Variants in SLIT3 observed in about 807,000 individuals in gnomAD.
SLIT3 encodes slit homolog 3 protein.
A neutral mutation model predicts 184.0 loss-of-function variants in SLIT3; 68 were observed. That is an observed-to-expected ratio of 0.37 (90% CI 0.30 to 0.45). SLIT3 has a LOEUF of 0.45. Among genes scored for constraint, SLIT3 ranks in the 20% least tolerant of loss-of-function variants. SLIT3 has a pLI of 1.00. For missense variants in SLIT3, 1,707 were observed against 2,026.0 expected (o/e 0.84, Z 3.02); for synonymous variants, 831 against 828.6 (o/e 1.00, Z -0.05).
intron 4 of SLIT3, among the ~76,000 whole-genome samples, chr5:169,088,126 T>G (rs904087182): frequency 6.6e-6 from 1 of 152,146 alleles, no homozygotes; most frequent in Non-Finnish European, 1.5e-5. Flanking sequence ...CCAATTACTC[T>G]CCAGATTCTC....
At chr5:169,075,477 G>C (rs1393578331) in intron 4 of SLIT3, among the ~76,000 whole-genome samples, 1 of 152,192 alleles carries the variant, frequency 6.6e-6, no homozygotes, top group Non-Finnish European at 1.5e-5. Flanking sequence ...AAAATATCGT[G>C]AAGTTGAAGG....
At chr5:168,744,421 A>T (rs1763735170) in intron 20 of SLIT3, among the ~76,000 whole-genome samples, 1 of 152,274 alleles carries the variant, frequency 6.6e-6, no homozygotes, top group South Asian at 2.1e-4. Flanking sequence ...GAAGGTGGCC[A>T]CATTAAACAA....
chr5:168,946,038 A>G (rs915873115), intron 4 of SLIT3, among the ~76,000 whole-genome samples: 3 of 152,186 alleles, frequency 2.0e-5, no homozygotes, highest in Non-Finnish European at 4.4e-5. Flanking sequence ...ATTCTTATTT[A>G]ATTCTTACGA....
At chr5:168,687,882 G>A (rs1761794319) in intron 29 of SLIT3, among the ~76,000 whole-genome samples, 1 of 152,180 alleles carries the variant, frequency 6.6e-6, no homozygotes, top group African/African-American at 2.4e-5. Context: ...CTGGGCAAGA[G>A]GATGGGAACA....
chr5:168,792,131 C>A (rs1756399970), intron 10 of SLIT3: 1 of 152,244 alleles, frequency 6.6e-6, no homozygotes, highest in Non-Finnish European at 1.5e-5. Context: ...CAGCTCAAGG[C>A]CCCCTCTGCT....
At chr5:168,797,963 C>T (rs1024777963) in intron 9 of SLIT3, among the ~76,000 whole-genome samples, 3 of 152,062 alleles carry the variant, frequency 2.0e-5, no homozygotes, top group Non-Finnish European at 2.9e-5. Context: ...GGGATTAGGA[C>T]CCCAGGGCTC....
intron 3 of SLIT3, among the ~76,000 whole-genome samples, chr5:169,197,405 A>G (rs951745153): frequency 1.2e-4 from 18 of 152,164 alleles, no homozygotes; most frequent in African/African-American, 4.3e-4. Context: ...CCTTGAAAAG[A>G]TGATGAAGGC....
At chr5:168,792,725 C>A (rs11955755) in intron 10 of SLIT3, among the ~76,000 whole-genome samples, 1,731 of 152,252 alleles carry the variant, frequency 0.011, 33 homozygotes, top group African/African-American at 0.039. Context: ...AGTCAGTTAA[C>A]CAAATTTGCA....
chr5:169,020,421 G>A (rs966309362), intron 4 of SLIT3, among the ~76,000 whole-genome samples: 1 of 152,146 alleles, frequency 6.6e-6, no homozygotes, highest in Non-Finnish European at 1.5e-5. Context: ...ACTGCTGAAA[G>A]TGGCAGAGTT....
At chr5:169,192,705 C>T (rs76333572) in intron 4 of SLIT3, among the ~76,000 whole-genome samples, 121 of 152,266 alleles carry the variant, frequency 7.9e-4, no homozygotes, top group African/African-American at 1.9e-3. Flanking sequence ...AGGACTGTGT[C>T]GCTTCATTCA....
Position 169,300,368 on chromosome 5 carries a change from G to C in SLIT3, c.197+145C>G, listed in dbSNP as rs1767644200. 9.1e-7 allele frequency: 1 copy of C among 1,104,796 alleles called. No individual in the cohort carries two copies. Among genetic ancestry groups the C allele is most frequent in the African/African-American group, 1.6e-5 (1 of 60,680 alleles). The allele number at this position is 1,104,796 out of a possible 1,614,324, so 68.4% of individuals were successfully genotyped here. On this transcript the variant is annotated intron_variant, in intron 1 of 35. Coordinates refer to ENST00000519560, the MANE Select transcript of SLIT3 (RefSeq NM_003062.4). This position sits in a 1 kb window ranked among gnomAD's most constrained non-coding sequence, Gnocchi z 4.1. ...GACCAAGCCTACAGACCCCCAGCTC[G>C]GAGAGTGAGGGATCGTATCCAGGAA...
intron 28 of SLIT3, 78 bp downstream of exon 28, chr5:168,696,214 T>G: frequency 6.5e-7 from 1 of 1,527,802 alleles, no homozygotes; most frequent in Non-Finnish European, 9.0e-7. Context: ...AGGAAGAGAG[T>G]CCCTGGAGGA....
intron 4 of SLIT3, among the ~76,000 whole-genome samples, chr5:168,953,546 C>T (rs1395699346): frequency 2.6e-5 from 4 of 152,172 alleles, no homozygotes; most frequent in Admixed American, 6.5e-5. Context: ...TCCTCCGTAA[C>T]GTGAAGCTAA....
chr5:168,761,562 G>A (rs1012869181), intron 15 of SLIT3, among the ~76,000 whole-genome samples: 5 of 152,056 alleles, frequency 3.3e-5, no homozygotes, highest in African/African-American at 1.2e-4. Context: ...GTAGGAGGTA[G>A]GCATTAATTA....
At chr5:169,268,016 A>T (rs1029492600) in intron 1 of SLIT3, among the ~76,000 whole-genome samples, 14 of 152,228 alleles carry the variant, frequency 9.2e-5, no homozygotes, top group African/African-American at 3.1e-4. Context: ...GCAGGAATAT[A>T]AACATGGACT....
chr5:168,723,018 AAC>A lies in SLIT3; in HGVS notation c.2340-16_2340-15del. On this transcript the variant is annotated splice_polypyrimidine_tract_variant and intron_variant, in intron 21 of 35. Coordinates refer to ENST00000519560, the MANE Select transcript of SLIT3 (RefSeq NM_003062.4). ...TTGCTCAGGTCACTAGGAAAAGTAA[AAC>A]AGAGGGGTCATGCTTTTGTCTTAGT... The A allele has an allele frequency of 1.2e-6, 2 of 1,607,032 alleles. No individual in the cohort carries two copies. Among genetic ancestry groups the A allele is most frequent in the Non-Finnish European group, 1.7e-6 (2 of 1,173,564 alleles).
intron 3 of SLIT3, among the ~76,000 whole-genome samples, chr5:169,198,202 TGAA>T (rs1763801498): frequency 1.3e-5 from 2 of 152,230 alleles, no homozygotes; most frequent in South Asian, 2.1e-4. Context: ...CATATGCTAG[TGAA>T]GAAGACAGAC....
chr5:169,005,084 C>T lies in SLIT3; in HGVS notation c.414-121748G>A, dbSNP rs115432116. 6.2e-3 allele frequency among the ~76,000 whole-genome samples: 936 copies of T among 152,130 alleles called. 7 individuals carry two copies. The highest frequency in any genetic ancestry group is 0.022 in the African/African-American group (900 of 41,504). Reference sequence around the variant, plus strand: ...CAGGAATACTTCGTGTTTCTGTGTCCGTATTTTTAAGCAATAAAGTATTTT... The same window carrying T: ...CAGGAATACTTCGTGTTTCTGTGTCTGTATTTTTAAGCAATAAAGTATTTT... On this transcript the variant is annotated intron_variant, in intron 4 of 35. Transcript: ENST00000519560.
chr5:169,160,881 T>C (rs1258126721), intron 4 of SLIT3, among the ~76,000 whole-genome samples: 2 of 152,176 alleles, frequency 1.3e-5, no homozygotes, highest in Non-Finnish European at 2.9e-5. Flanking sequence ...CTTTTAGCTC[T>C]CTAACATGGC....
Sources: gnomAD v4.1 joint callset for allele counts (sites outside exome capture counted in the v4.1 genomes callset) on GRCh38, gnomAD v4.1.1 for gene constraint, Gnocchi (gnomAD v3.1) non-coding constraint, MANE v1.5 for transcripts, NCBI Gene and HGNC (gene_info 2026-07-23, HGNC 2026-07-21) for gene names.